Variants in JARID2 observed in about 807,000 individuals in gnomAD.
The protein encoded by JARID2 is protein Jumonji.
In JARID2, 21 loss-of-function variants were observed where a neutral mutation model predicts 125.6. The observed-to-expected ratio is 0.17, with a 90% CI of 0.12 to 0.24. The LOEUF (loss-of-function observed/expected upper bound fraction) is 0.24, where lower values mean the gene tolerates loss of function less well. Ranked by LOEUF, JARID2 falls within the 10% of genes least tolerant of loss-of-function variation. The pLI, the probability that JARID2 is intolerant of heterozygous loss-of-function variation, is 1.00. For synonymous variants in JARID2, 736 were observed against 661.6 expected (o/e 1.11, Z -1.73); for missense variants, 1,303 against 1,639.6 (o/e 0.79, Z 3.55).
intron 3 of JARID2, among the ~76,000 whole-genome samples, chr6:15,424,087 G>T (rs533874395): frequency 4.3e-4 from 65 of 151,600 alleles, no homozygotes; most frequent in African/African-American, 1.5e-3. Flanking sequence ...TTTCTGGGAG[G>T]CACACAGACG....
intron 5 of JARID2, among the ~76,000 whole-genome samples, chr6:15,473,528 C>T (rs1378772351): frequency 5.6e-5 from 4 of 71,618 alleles, no homozygotes; most frequent in African/African-American, 1.8e-4. Flanking sequence ...CCCCCCCCCC[C>T]CCGCTTTGTG....
intron 1 of JARID2, among the ~76,000 whole-genome samples, chr6:15,354,278 C>G (rs1298192417): frequency 6.6e-6 from 1 of 152,148 alleles, no homozygotes; most frequent in East Asian, 1.9e-4. Context: ...GGCATATTAG[C>G]AGCCGTTAGA....
intron 4 of JARID2, among the ~76,000 whole-genome samples, chr6:15,462,281 C>T (rs988514183): frequency 6.6e-6 from 1 of 152,140 alleles, no homozygotes; most frequent in African/African-American, 2.4e-5. Context: ...AATTTCTTCC[C>T]TAATAAGTTG....
At chr6:15,328,716 G>C (rs1762610993) in intron 1 of JARID2, among the ~76,000 whole-genome samples, 1 of 152,224 alleles carries the variant, frequency 6.6e-6, no homozygotes. Context: ...TGGCCTCAAA[G>C]TAAGAGATTC....
intron 1 of JARID2, among the ~76,000 whole-genome samples, chr6:15,285,457 A>G (rs1441377872): frequency 6.6e-6 from 1 of 152,156 alleles, no homozygotes; most frequent in Admixed American, 6.6e-5. Flanking sequence ...TTCATTATGC[A>G]ATTAATTACA....
At chr6:15,457,720 G>A (rs1373330739) in intron 4 of JARID2, among the ~76,000 whole-genome samples, 3 of 151,780 alleles carry the variant, frequency 2.0e-5, no homozygotes, top group Non-Finnish European at 4.4e-5. Flanking sequence ...AGCGAGTGGA[G>A]TTCTTTAAAC....
At chr6:15,395,853 CAG>C (rs1387781949) in intron 2 of JARID2, among the ~76,000 whole-genome samples, 2 of 150,802 alleles carry the variant, frequency 1.3e-5, no homozygotes, top group African/African-American at 4.9e-5. Context: ...TTAGTAGAGA[CAG>C]GGTTTCATCA....
In JARID2 at chr6:15,327,550, T is replaced by C. The variant is rs187468154; in HGVS notation, c.46-46567T>C. On this transcript the variant is annotated intron_variant, in intron 1 of 17. Coordinates refer to ENST00000341776, the MANE Select transcript of JARID2 (RefSeq NM_004973.4). The stretch of plus-strand genomic sequence containing the variant: ...AAGAGTGTGTGTGTGTGTGTGTGTG[T>C]GCGCGTGTGTGTGCGTGTGCATGTG... Among the ~76,000 whole-genome samples the C allele has an allele frequency of 9.6e-3, 1,238 of 128,998 alleles. 7 individuals are homozygous for C. Among genetic ancestry groups the C allele is most frequent in the African/African-American group, 0.02 (688 of 34,000 alleles). 84.6% of individuals were successfully genotyped at this position (128,998 alleles called of 152,430 possible).
At chr6:15,388,663 C>T (rs1764882790) in intron 2 of JARID2, among the ~76,000 whole-genome samples, 1 of 150,894 alleles carries the variant, frequency 6.6e-6, no homozygotes, top group African/African-American at 2.4e-5. Flanking sequence ...TTATATTCGC[C>T]AGTGACATCC....
Position 15,507,221 on chromosome 6 carries a change from G to T in JARID2, c.2627G>T (p.Gly876Val), listed in dbSNP as rs1335468434. 1 of 1,613,948 alleles carries T rather than the reference G, an allele frequency of 6.2e-7. No homozygotes were observed. Among genetic ancestry groups the T allele is most frequent in the Non-Finnish European group, 8.5e-7 (1 of 1,179,792 alleles). ...GTGGACACCAACACTCACGGCAGTG[G>T]ATTCCCAGTAGGAAAATCAGAACCC... ...GKVDTNTHGS[G>V]FPVGKSEPFS... Residue 876 changes from glycine to valine, a missense_variant, in exon 10 of 18, where the codon GGA becomes GTA. Physicochemically the swap from Gly to Val is moderately radical, Grantham distance 109. Transcript: ENST00000341776.
intron 5 of JARID2, among the ~76,000 whole-genome samples, chr6:15,477,635 G>C (rs1429094444): frequency 1.3e-5 from 2 of 151,788 alleles, no homozygotes; most frequent in African/African-American, 4.8e-5. Flanking sequence ...GGATGGTTCA[G>C]AGCATCATGA....
intron 5 of JARID2, among the ~76,000 whole-genome samples, chr6:15,481,678 T>C (rs1031931312): frequency 4.6e-5 from 7 of 152,234 alleles, no homozygotes; most frequent in African/African-American, 7.2e-5. Flanking sequence ...ACTTTCTGGC[T>C]ATGTTTGCCA....
chr6:15,364,600 C>G (rs989682692), intron 1 of JARID2, among the ~76,000 whole-genome samples: 2 of 152,194 alleles, frequency 1.3e-5, no homozygotes, highest in Non-Finnish European at 2.9e-5. Flanking sequence ...TTGAATAGTT[C>G]TTGCCTGCTT....
rs529617924 is a variant in JARID2 at position 15,413,994 on chromosome 6, T to C, written c.323+3629T>C. On this transcript the variant is annotated intron_variant, in intron 3 of 17. Transcript: ENST00000341776. ...CTTTGGAAAGAGCATTTTCACTTTA[T>C]TTTTTAGAATGATACGAATTGCTAG... 3.3e-5 allele frequency among the ~76,000 whole-genome samples: 5 copies of C among 152,322 alleles called. No individual in the cohort carries two copies. The South Asian group carries it at 1.0e-3, about 32-fold the overall frequency.
intron 2 of JARID2, among the ~76,000 whole-genome samples, chr6:15,399,461 AAGG>A (rs1182471966): frequency 1.3e-5 from 2 of 152,028 alleles, no homozygotes; most frequent in African/African-American, 4.8e-5. Flanking sequence ...ACTAGACACT[AAGG>A]AGGACCATCA....
At chr6:15,460,639 G>A (rs931945047) in intron 4 of JARID2, among the ~76,000 whole-genome samples, 8 of 152,128 alleles carry the variant, frequency 5.3e-5, no homozygotes, top group Admixed American at 1.3e-4. Flanking sequence ...CACATGATTC[G>A]CACAAAGACT....
At chr6:15,255,696 A>G (rs566459194) in intron 1 of JARID2, among the ~76,000 whole-genome samples, 5 of 152,246 alleles carry the variant, frequency 3.3e-5, no homozygotes, top group African/African-American at 9.6e-5. Flanking sequence ...GGGGGCAGAA[A>G]CAGGTGCCAG....
chr6:15,325,121 C>G (rs1420250310), intron 1 of JARID2, among the ~76,000 whole-genome samples: 1 of 152,050 alleles, frequency 6.6e-6, no homozygotes, highest in African/African-American at 2.4e-5. Context: ...ACCACCTTTA[C>G]TTCCTCTTCA....
intron 1 of JARID2, among the ~76,000 whole-genome samples, chr6:15,363,658 C>A (rs1351739438): frequency 6.6e-6 from 1 of 152,158 alleles, no homozygotes; most frequent in Non-Finnish European, 1.5e-5. Context: ...ACCTCAGTTT[C>A]AGCATTTAAA....
Sources: gnomAD v4.1 joint callset for allele counts (sites outside exome capture counted in the v4.1 genomes callset) on GRCh38, gnomAD v4.1.1 for gene constraint, MANE v1.5 for transcripts, NCBI Gene and HGNC (gene_info 2026-07-23, HGNC 2026-07-21) for gene names.